The following MTF2 variants were observed in gnomAD, a reference collection of about 807,000 sequenced individuals.
MTF2 encodes metal-response element-binding transcription factor 2.
A neutral mutation model predicts 79.5 loss-of-function variants in MTF2; 11 were observed. The ratio of observed to expected loss-of-function variants is 0.14; its 90% CI spans 0.09 to 0.23. The LOEUF (loss-of-function observed/expected upper bound fraction) is 0.23. Ranked by LOEUF, MTF2 falls within the 10% of genes least tolerant of loss-of-function variation. The pLI, the probability that MTF2 is intolerant of heterozygous loss-of-function variation, is 1.00. For synonymous variants in MTF2, 208 were observed against 232.8 expected, an observed-to-expected ratio of 0.89 and a Z score of 0.97; for missense variants, 486 against 711.2, an observed-to-expected ratio of 0.68 and a Z score of 3.60.
At chr1:93,127,149 C>A in intron 9 of MTF2, 83 bp from the exon 10 acceptor site, 1 of 902,922 alleles carries the variant, frequency 1.1e-6, no homozygotes. Flanking sequence ...TTTTCCTCTG[C>A]ATCACATTGC....
chr1:93,091,796 G>C (rs902388106), intron 1 of MTF2, among the ~76,000 whole-genome samples: 1 of 152,156 alleles, frequency 6.6e-6, no homozygotes, highest in Non-Finnish European at 1.5e-5. Context: ...ATCAGTACTG[G>C]TTTATGGACT....
intron 9 of MTF2, among the ~76,000 whole-genome samples, chr1:93,126,144 C>A (rs193221058): frequency 3.3e-5 from 4 of 121,734 alleles, no homozygotes; most frequent in African/African-American, 1.0e-4. Flanking sequence ...GAGTACCTAA[C>A]TCGTATTTAA....
At chr1:93,090,078 G>A (rs895980567) in intron 1 of MTF2, among the ~76,000 whole-genome samples, 1 of 152,102 alleles carries the variant, frequency 6.6e-6, no homozygotes. Context: ...CCGAGTTCAC[G>A]TCATTCTCCT....
intron 1 of MTF2, among the ~76,000 whole-genome samples, chr1:93,102,536 GACCCA>G (rs1557547325): frequency 6.6e-6 from 1 of 152,016 alleles, no homozygotes; most frequent in Non-Finnish European, 1.5e-5. Context: ...AGGCTGCAGT[GACCCA>G]TGATTGCACC....
In MTF2 at chr1:93,137,078, G is replaced by T; in HGVS notation, c.*51G>T. On this transcript the variant is annotated 3_prime_UTR_variant, in exon 15 of 15. Coordinates refer to ENST00000370298, the MANE Select transcript of MTF2 (RefSeq NM_007358.4). Reference sequence around the variant, plus strand: ...TGCACTCTGATTTTCTGTAGGTACAGTTCAAAGCCCTAAAGGAGTCTGGCT... The same window carrying T: ...TGCACTCTGATTTTCTGTAGGTACATTTCAAAGCCCTAAAGGAGTCTGGCT... 4 of 1,432,968 alleles carry T rather than the reference G, an allele frequency of 2.8e-6. No individual in the cohort carries two copies. The highest frequency in any genetic ancestry group is 1.4e-5 in the African/African-American group (1 of 70,064). 88.8% of individuals were successfully genotyped at this position (1,432,968 alleles called of 1,614,324 possible).
chr1:93,096,550 C>A (rs961741769), intron 1 of MTF2, among the ~76,000 whole-genome samples: 1 of 150,872 alleles, frequency 6.6e-6, no homozygotes, highest in Non-Finnish European at 1.5e-5. Context: ...AATTTCTGTT[C>A]TTTTATTTTT....
chr1:93,080,343 CTG>C (rs1402163589), intron 1 of MTF2, among the ~76,000 whole-genome samples: 2 of 152,146 alleles, frequency 1.3e-5, no homozygotes, highest in Admixed American at 6.5e-5. Context: ...AACTCTAACT[CTG>C]TGTTTTACAA....
intron 10 of MTF2, among the ~76,000 whole-genome samples, chr1:93,128,068 G>T (rs1464107610): frequency 6.6e-6 from 1 of 151,848 alleles, no homozygotes; most frequent in East Asian, 1.9e-4. Flanking sequence ...AAGCCATGAG[G>T]TACCTGATAT....
In MTF2 at chr1:93,134,374, T is replaced by C. The variant is rs550023148; in HGVS notation, c.1424+179T>C. 7.0e-6 allele frequency: 4 copies of C among 571,014 alleles called. No homozygotes were observed. In the East Asian group the frequency reaches 1.2e-4, roughly 17 times the overall value. 35.4% of individuals were successfully genotyped at this position (571,014 alleles called of 1,614,324 possible). A position where few individuals can be genotyped will look rare whatever the true frequency, so the allele number is the denominator to read the frequency against. ...TTGTTAATATTCATTTGAAATATTT[T>C]TGCTTTCTAGAGTACAAATGTATTT... On this transcript the variant is annotated intron_variant, in intron 14 of 14. Transcript: ENST00000370298.
chr1:93,133,082 G>A (rs1647211217), intron 11 of MTF2, among the ~76,000 whole-genome samples: 1 of 151,370 alleles, frequency 6.6e-6, no homozygotes, highest in Admixed American at 6.6e-5. Flanking sequence ...GGTTTTCTAG[G>A]TCTTTCTGAT....
chr1:93,099,518 G>A (rs747819564), intron 1 of MTF2, among the ~76,000 whole-genome samples: 1 of 152,184 alleles, frequency 6.6e-6, no homozygotes, highest in Non-Finnish European at 1.5e-5. Flanking sequence ...TGTGGTAGAG[G>A]AATAGTATCA....
rs1424813106 is a variant in MTF2 at position 93,118,412 on chromosome 1, C to G, written c.700C>G (p.Leu234Val). The G allele has an allele frequency of 1.2e-6, 2 of 1,600,462 alleles. No individual in the cohort carries two copies. The highest frequency in any genetic ancestry group is 1.7e-5 in the Admixed American group (1 of 58,634). The change falls in exon 7 of 15, where the codon CTT (leucine) becomes GTT (valine). Residue 234 changes from leucine to valine, a missense_variant. This residue lies in a region of MTF2 where 177 missense variants were observed against 364.0 expected (regional missense o/e 0.49). Transcript: ENST00000370298. ...GTTTCATGAGGCTTGTGTGCAATGC[C>G]TTCAAAAGCCAATGCTATTTGGAGA... ...QWFHEACVQC[L>V]QKPMLFGDRF...
intron 3 of MTF2, among the ~76,000 whole-genome samples, chr1:93,113,360 A>G (rs1204659847): frequency 1.3e-5 from 2 of 152,166 alleles, no homozygotes; most frequent in African/African-American, 4.8e-5. Flanking sequence ...AGCCTGGATG[A>G]CACAGCAAGA....
Position 93,110,639 on chromosome 1 carries a change from A to G in MTF2, c.286+13A>G, listed in dbSNP as rs762560312. ...GACATTCAAACAGGCAGGTGCTACT[A>G]TTTCTCTTGAACATGATTTAAATTA... On this transcript the variant is annotated intron_variant, in intron 3 of 14. Transcript: ENST00000370298. The G allele has an allele frequency of 1.5e-5, 23 of 1,579,896 alleles. No homozygotes were observed. In the South Asian group the frequency reaches 2.2e-4, roughly 15 times the overall value.
intron 7 of MTF2, among the ~76,000 whole-genome samples, chr1:93,118,670 C>T (rs967178252): frequency 2.6e-5 from 4 of 151,904 alleles, no homozygotes; most frequent in Non-Finnish European, 5.9e-5. Context: ...TCCTATTGAC[C>T]CATAGTACTC....
intron 1 of MTF2, among the ~76,000 whole-genome samples, chr1:93,087,196 G>C (rs991650869): frequency 2.6e-5 from 4 of 152,146 alleles, no homozygotes; most frequent in African/African-American, 9.7e-5. Context: ...ATTAGTATCT[G>C]AGGACACTTA....
chr1:93,126,496 G>A (rs1256248414), intron 9 of MTF2, among the ~76,000 whole-genome samples: 3 of 151,424 alleles, frequency 2.0e-5, no homozygotes, highest in African/African-American at 7.3e-5. Flanking sequence ...TTTTTTTTAA[G>A]GTGTTTGTAG....
intron 1 of MTF2, among the ~76,000 whole-genome samples, chr1:93,094,980 G>T (rs1443314786): frequency 6.6e-6 from 1 of 152,066 alleles, no homozygotes; most frequent in Non-Finnish European, 1.5e-5. Flanking sequence ...ATTCTGATGG[G>T]ATGTACAGGA....
chr1:93,089,666 C>T (rs770322656), intron 1 of MTF2, among the ~76,000 whole-genome samples: 1 of 152,136 alleles, frequency 6.6e-6, no homozygotes, highest in African/African-American at 2.4e-5. Context: ...TATCTTCACA[C>T]TTCAGCCTCC....
Sources: gnomAD v4.1 joint callset for allele counts (sites outside exome capture counted in the v4.1 genomes callset) on GRCh38, gnomAD v4.1.1 for gene constraint, gnomAD v4.1.1 regional missense constraint, MANE v1.5 for transcripts, NCBI Gene and HGNC (gene_info 2026-07-23, HGNC 2026-07-21) for gene names.